Variants in RASSF3 observed in about 807,000 individuals in gnomAD.
The protein encoded by RASSF3 is ras association domain-containing protein 3.
Under a neutral mutation model 19.9 loss-of-function variants are expected in RASSF3, and 19 were observed. The ratio of observed to expected loss-of-function variants is 0.96; its 90% CI spans 0.67 to 1.40. The LOEUF is 1.40. RASSF3 is among the 40% of genes most tolerant of loss of function. The pLI, the probability that RASSF3 is intolerant of heterozygous loss-of-function variation, is 0.00. For missense variants in RASSF3, 306 were observed against 289.8 expected, an observed-to-expected ratio of 1.06 and a Z score of -0.41; for synonymous variants, 110 against 104.2, an observed-to-expected ratio of 1.06 and a Z score of -0.34.
At chr12:64,589,060 A>T (rs1451899742) in intron 2 of RASSF3, among the ~76,000 whole-genome samples, 2 of 152,244 alleles carry the variant, frequency 1.3e-5, no homozygotes, top group African/African-American at 4.8e-5. Context: ...AAAATAAAAC[A>T]AAGTATTCAA....
intron 1 of RASSF3, among the ~76,000 whole-genome samples, chr12:64,612,765 C>T (rs1448181423): frequency 6.6e-6 from 1 of 152,058 alleles, no homozygotes; most frequent in East Asian, 1.9e-4. Flanking sequence ...TGTGAGCCAC[C>T]GCCCCCGGCA....
intron 1 of RASSF3, among the ~76,000 whole-genome samples, chr12:64,618,670 AATGCTCTAGGAAGG>A (rs199782063): frequency 0.012 from 1,847 of 152,164 alleles, 31 homozygotes; most frequent in African/African-American, 0.043. Context: ...AGGGCCAGAT[AATGCTCTAGGAAGG>A]ATGTCAGAAC....
chr12:64,557,818 G>A (rs909383875), intron 2 of RASSF3, among the ~76,000 whole-genome samples: 3 of 152,140 alleles, frequency 2.0e-5, no homozygotes, highest in African/African-American at 7.2e-5. Context: ...GCTGCTTCTG[G>A]ATGGTATAAT....
At chr12:64,522,393 CT>C (rs1217154289) in intron 1 of RASSF3, among the ~76,000 whole-genome samples, 1 of 152,098 alleles carries the variant, frequency 6.6e-6, no homozygotes, top group Non-Finnish European at 1.5e-5. Flanking sequence ...TTTCACTGTC[CT>C]TTAGCATGTT....
At chr12:64,651,865 TGTTG>T (rs1451186309) in intron 1 of RASSF3, among the ~76,000 whole-genome samples, 1 of 152,162 alleles carries the variant, frequency 6.6e-6, no homozygotes, top group African/African-American at 2.4e-5. Flanking sequence ...GGTTTCACCA[TGTTG>T]CCCAGGCTGT....
upstream of RASSF3, among the ~76,000 whole-genome samples, chr12:64,529,724 G>C (rs996517089): frequency 2.6e-5 from 4 of 152,048 alleles, no homozygotes; most frequent in African/African-American, 9.7e-5. Context: ...CCTATCTATT[G>C]AGATAGATTT....
At chr12:64,682,141 T>C (rs965873512) in intron 1 of RASSF3, among the ~76,000 whole-genome samples, 2 of 152,170 alleles carry the variant, frequency 1.3e-5, no homozygotes, top group African/African-American at 2.4e-5. Context: ...AATAGGATGC[T>C]CCCAAGGGAC....
intron 1 of RASSF3, among the ~76,000 whole-genome samples, chr12:64,613,179 A>G (rs575417045): frequency 7.8e-4 from 119 of 152,168 alleles, no homozygotes; most frequent in Non-Finnish European, 8.8e-4. Flanking sequence ...CTTAATGTAG[A>G]ATGTTCCTTT....
downstream of RASSF3, among the ~76,000 whole-genome samples, chr12:64,543,003 G>C (rs61933869): frequency 0.1 from 8,108 of 80,418 alleles, 628 homozygotes; most frequent in East Asian, 0.35. Flanking sequence ...GCTTGGCGGG[G>C]CCCCGCACTT....
chr12:64,581,894 A>T (rs530208420), intron 2 of RASSF3, among the ~76,000 whole-genome samples: 1 of 150,600 alleles, frequency 6.6e-6, no homozygotes, highest in Non-Finnish European at 1.5e-5. Flanking sequence ...TTGAGACAAG[A>T]TCTCACTCTG....
chr12:64,671,349 G>A (rs532313551), intron 1 of RASSF3, among the ~76,000 whole-genome samples: 4 of 152,164 alleles, frequency 2.6e-5, no homozygotes, highest in Non-Finnish European at 4.4e-5. Context: ...CTGGACCCTC[G>A]GCTTTCTCCC....
At chr12:64,678,977 C>G (rs1380257056) in intron 1 of RASSF3, among the ~76,000 whole-genome samples, 1 of 152,180 alleles carries the variant, frequency 6.6e-6, no homozygotes, top group Non-Finnish European at 1.5e-5. Context: ...CTAAGTATGT[C>G]TAAATCATAG....
chr12:64,532,653 T>C (rs1207696437), upstream of RASSF3, among the ~76,000 whole-genome samples: 2 of 151,630 alleles, frequency 1.3e-5, no homozygotes, highest in East Asian at 3.9e-4. Context: ...GGAGACCCGA[T>C]TTCTACCAAA....
chr12:64,654,657 TGGG>T (rs199913401), intron 1 of RASSF3: 2 of 18,004 alleles, frequency 1.1e-4, no homozygotes, highest in Admixed American at 6.0e-4. Flanking sequence ...GGGGGGGGGG[TGGG>T]GGGAAGCCAG....
chr12:64,645,897 T>A (rs1021256091), intron 1 of RASSF3, among the ~76,000 whole-genome samples: 3 of 152,154 alleles, frequency 2.0e-5, no homozygotes, highest in Non-Finnish European at 2.9e-5. Context: ...ATCAGTAATC[T>A]CCCCAGCCCT....
At chr12:64,537,895 C>A (rs1868861560) in intron 1 of RASSF3, among the ~76,000 whole-genome samples, 1 of 152,154 alleles carries the variant, frequency 6.6e-6, no homozygotes, top group Admixed American at 6.6e-5. Flanking sequence ...TCTTCTGAGA[C>A]CTTTCCTCTT....
intron 2 of RASSF3, among the ~76,000 whole-genome samples, chr12:64,594,509 T>C (rs1565845692): frequency 1.3e-5 from 2 of 152,222 alleles, no homozygotes; most frequent in Non-Finnish European, 2.9e-5. Flanking sequence ...TTTGAATGTA[T>C]AACCTTTACT....
At chr12:64,626,855 A>C (rs1034835724) in intron 1 of RASSF3, among the ~76,000 whole-genome samples, 2 of 152,220 alleles carry the variant, frequency 1.3e-5, no homozygotes, top group Non-Finnish European at 2.9e-5. Flanking sequence ...GTATGCCACC[A>C]TGCTCATCCA....
At chr12:64,656,143 A>AT (rs1210180539) in intron 1 of RASSF3, among the ~76,000 whole-genome samples, 1 of 152,068 alleles carries the variant, frequency 6.6e-6, no homozygotes, top group Non-Finnish European at 1.5e-5. Context: ...AGAAAGAATT[A>AT]TTTTTTAGAT....
Sources: allele counts gnomAD v4.1 joint callset (sites outside exome capture counted in the v4.1 genomes callset), GRCh38; gene constraint gnomAD v4.1.1; transcripts MANE v1.5; gene names NCBI Gene and HGNC (gene_info 2026-07-23, HGNC 2026-07-21).